MACROH2A2: variants seen among roughly 807,000 people sequenced by gnomAD.
MACROH2A2 encodes the protein macroH2A.2 histone.
MACROH2A2 carries 6 observed loss-of-function variants against 37.6 expected under a neutral mutation model. That is an observed-to-expected ratio of 0.16 (90% CI 0.09 to 0.32). MACROH2A2 has a LOEUF of 0.32. Among genes scored for constraint, MACROH2A2 ranks in the 10% least tolerant of loss-of-function variants. MACROH2A2 has a pLI of 1.00. For synonymous variants in MACROH2A2, 192 were observed against 202.7 expected (o/e 0.95, Z 0.45); for missense variants, 290 against 485.9 (o/e 0.60, Z 3.79).
At chr10:70,109,633 T>C (rs2072358393) in intron 8 of MACROH2A2, among the ~76,000 whole-genome samples, 1 of 152,232 alleles carries the variant, frequency 6.6e-6, no homozygotes, top group African/African-American at 2.4e-5. Flanking sequence ...TAGGCAGCAG[T>C]GACCGATGTC....
chr10:70,058,617 T>A (rs1589829475), intron 1 of MACROH2A2, among the ~76,000 whole-genome samples: 1 of 151,722 alleles, frequency 6.6e-6, no homozygotes, highest in East Asian at 1.9e-4. Context: ...CCATGCTGGC[T>A]GGGCTGGCAC....
intron 2 of MACROH2A2, among the ~76,000 whole-genome samples, chr10:70,085,399 C>G (rs2072205202): frequency 6.6e-6 from 1 of 151,938 alleles, no homozygotes; most frequent in South Asian, 2.1e-4. Context: ...ATTGCATGGC[C>G]CTAGCAGAGC....
At chr10:70,083,265 C>T (rs1443722604) in intron 2 of MACROH2A2, among the ~76,000 whole-genome samples, 6 of 152,130 alleles carry the variant, frequency 3.9e-5, no homozygotes, top group Non-Finnish European at 7.4e-5. Flanking sequence ...AGACAAGCAG[C>T]CCCCAGATAC....
chr10:70,094,428 A>G (rs1271806583), intron 5 of MACROH2A2, among the ~76,000 whole-genome samples: 1 of 152,214 alleles, frequency 6.6e-6, no homozygotes, highest in Non-Finnish European at 1.5e-5. Context: ...ACAAGTGTAA[A>G]GTTTACTGAG....
rs1319628626 is a variant in MACROH2A2, at chr10:70,109,301, C to T, written c.953+94C>T. ...CATCTGATCTGGGTGTTGCCAAGGG[C>T]TGCCAGCACAGCCAAGTATGCTGAC... On this transcript the variant is annotated intron_variant, in intron 8 of 8. Transcript: ENST00000373255. 2.8e-6 allele frequency: 3 copies of T among 1,060,366 alleles called. No individual in the cohort carries two copies. In the African/African-American group the frequency reaches 4.6e-5, roughly 16 times the overall value. 65.7% of individuals were successfully genotyped at this position (1,060,366 alleles called of 1,614,324 possible).
chr10:70,091,521 C>T (rs1564545618), intron 3 of MACROH2A2, among the ~76,000 whole-genome samples: 1 of 151,964 alleles, frequency 6.6e-6, no homozygotes, highest in African/African-American at 2.4e-5. Flanking sequence ...ACTAAAAATA[C>T]AAAAATTAGC....
At chr10:70,082,467 G>A (rs1323016326) in intron 2 of MACROH2A2, among the ~76,000 whole-genome samples, 1 of 151,702 alleles carries the variant, frequency 6.6e-6, no homozygotes, top group Non-Finnish European at 1.5e-5. Context: ...GAGAAAGGAC[G>A]CAAACAGATA....
intron 1 of MACROH2A2, among the ~76,000 whole-genome samples, chr10:70,074,237 T>C (rs1318251438): frequency 6.6e-6 from 1 of 152,226 alleles, no homozygotes; most frequent in Non-Finnish European, 1.5e-5. Context: ...ACACAAAAGA[T>C]AGCTTCCTTA....
intron 4 of MACROH2A2, among the ~76,000 whole-genome samples, chr10:70,093,255 TCAG>T (rs1195652466): frequency 6.6e-6 from 1 of 152,228 alleles, no homozygotes; most frequent in African/African-American, 2.4e-5. Flanking sequence ...TTTCAAGCAC[TCAG>T]CAACATTATT....
intron 3 of MACROH2A2, among the ~76,000 whole-genome samples, chr10:70,091,198 C>T (rs1469768394): frequency 6.6e-6 from 1 of 152,216 alleles, no homozygotes; most frequent in Admixed American, 6.5e-5. Flanking sequence ...GGGCAACATC[C>T]CTGGTTTCAA....
chr10:70,066,697 TTG>T (rs2072080854), intron 1 of MACROH2A2, among the ~76,000 whole-genome samples: 1 of 152,180 alleles, frequency 6.6e-6, no homozygotes, highest in Non-Finnish European at 1.5e-5. Context: ...GATCCTATAT[TTG>T]TGAATTTGCC....
At chr10:70,101,584 A>G (rs2072307397) in intron 7 of MACROH2A2, among the ~76,000 whole-genome samples, 1 of 152,174 alleles carries the variant, frequency 6.6e-6, no homozygotes, top group Non-Finnish European at 1.5e-5. Context: ...TCAGACATGC[A>G]AGCCCTGCCT....
chr10:70,067,545 GAAAGTCTTA>G (rs1194107118), intron 1 of MACROH2A2, among the ~76,000 whole-genome samples: 5 of 152,078 alleles, frequency 3.3e-5, no homozygotes, highest in African/African-American at 4.8e-5. Flanking sequence ...ACAATATTTA[GAAAGTCTTA>G]ACCATGTAAA....
intron 7 of MACROH2A2, among the ~76,000 whole-genome samples, chr10:70,105,914 G>C (rs2072334981): frequency 6.6e-6 from 1 of 152,182 alleles, no homozygotes; most frequent in Admixed American, 6.5e-5. Flanking sequence ...ATGAGGTGCA[G>C]GTCCCTGTTG....
chr10:70,084,843 C>T (rs891064881), intron 2 of MACROH2A2, among the ~76,000 whole-genome samples: 4 of 152,160 alleles, frequency 2.6e-5, no homozygotes, highest in African/African-American at 9.7e-5. Context: ...CTCAAGTGCT[C>T]TGCCTGCCTC....
At chr10:70,068,041 C>T (rs567629497) in intron 1 of MACROH2A2, among the ~76,000 whole-genome samples, 1 of 151,922 alleles carries the variant, frequency 6.6e-6, no homozygotes, top group Non-Finnish European at 1.5e-5. Context: ...GTACTTGTCT[C>T]TCTCAATGAG....
At chr10:70,073,869 A>G (rs1167101643) in intron 1 of MACROH2A2, among the ~76,000 whole-genome samples, 4 of 152,038 alleles carry the variant, frequency 2.6e-5, no homozygotes, top group Admixed American at 1.3e-4. Flanking sequence ...TTCCTTTGCC[A>G]TCTTGCCTGT....
At chr10:70,088,222 GCACA>G (rs1231574432) in intron 2 of MACROH2A2, among the ~76,000 whole-genome samples, 39 of 147,190 alleles carry the variant, frequency 2.6e-4, no homozygotes, top group African/African-American at 8.8e-4. Context: ...GTACATTCAC[GCACA>G]CACACACGCA....
At chr10:70,093,869 C>A in intron 5 of MACROH2A2, 24 bp downstream of exon 5, 1 of 1,277,220 alleles carries the variant, frequency 7.8e-7, no homozygotes, top group South Asian at 1.2e-5. Context: ...TTGCCTTGTG[C>A]TATATTAAAA....
Sources: gnomAD v4.1 joint callset for allele counts (sites outside exome capture counted in the v4.1 genomes callset) on GRCh38, gnomAD v4.1.1 for gene constraint, MANE v1.5 for transcripts, NCBI Gene and HGNC (gene_info 2026-07-23, HGNC 2026-07-21) for gene names.